The following ZMAT4 variants were observed in gnomAD, a reference collection of about 807,000 sequenced individuals.
ZMAT4 encodes the protein zinc finger matrin-type 4, also known as zinc finger matrin-type protein 4.
In ZMAT4, 17 loss-of-function variants were observed where a neutral mutation model predicts 28.7. The ratio of observed to expected loss-of-function variants is 0.59; its 90% CI spans 0.41 to 0.89. The LOEUF (loss-of-function observed/expected upper bound fraction) is 0.89. Among genes scored for constraint, ZMAT4 ranks in the 40% least tolerant of loss-of-function variants. The pLI, the probability that ZMAT4 is intolerant of heterozygous loss-of-function variation, is 0.00. For synonymous variants in ZMAT4, 117 were observed against 109.2 expected, an observed-to-expected ratio of 1.07 and a Z score of -0.44; for missense variants, 240 against 283.8, an observed-to-expected ratio of 0.85 and a Z score of 1.11.
At chr8:40,793,034 T>C (rs981569572) in intron 2 of ZMAT4, among the ~76,000 whole-genome samples, 1 of 152,012 alleles carries the variant, frequency 6.6e-6, no homozygotes, top group Non-Finnish European at 1.5e-5. Context: ...ACATATTATG[T>C]ACTTGTCAAC....
In ZMAT4 at chr8:40,590,190, AT is replaced by A. The variant is rs200000224; in HGVS notation, c.578-8930del. 6.0e-5 allele frequency among the ~76,000 whole-genome samples: 9 copies of A among 149,604 alleles called. 1 individual carries two copies. The highest frequency in any genetic ancestry group is 4.7e-4 in the Admixed American group (7 of 14,936). ...AGGCATGCACTACCATGCCTTGCTA[AT>A]TTTTTTTTATTTTTTATTTTTGTTG... On this transcript the variant is annotated intron_variant, in intron 5 of 6. Transcript: ENST00000297737.
intron 2 of ZMAT4, among the ~76,000 whole-genome samples, chr8:40,821,339 T>C (rs1815821964): frequency 1.3e-5 from 2 of 152,220 alleles, no homozygotes; most frequent in Admixed American, 1.3e-4. Flanking sequence ...CTTCTGTGTC[T>C]GTGTCTACTT....
At chr8:40,892,240 T>C (rs1416423475) in intron 1 of ZMAT4, among the ~76,000 whole-genome samples, 1 of 152,218 alleles carries the variant, frequency 6.6e-6, no homozygotes, top group African/African-American at 2.4e-5. Flanking sequence ...AAGTCTTTCT[T>C]CCCTTCATAA....
intron 5 of ZMAT4, among the ~76,000 whole-genome samples, chr8:40,633,799 A>G (rs1369345705): frequency 6.6e-6 from 1 of 152,242 alleles, no homozygotes; most frequent in Non-Finnish European, 1.5e-5. Context: ...AATAGTTGTC[A>G]CAGGCAGAGT....
At chr8:40,886,197 G>A (rs1444001756) in intron 1 of ZMAT4, among the ~76,000 whole-genome samples, 1 of 152,234 alleles carries the variant, frequency 6.6e-6, no homozygotes, top group East Asian at 1.9e-4. Context: ...CCCAGAGCCA[G>A]GGTGTCCCTT....
chr8:40,759,987 C>T (rs982764483), intron 3 of ZMAT4, among the ~76,000 whole-genome samples: 1 of 152,114 alleles, frequency 6.6e-6, no homozygotes, highest in African/African-American at 2.4e-5. Context: ...GACAAAATGC[C>T]CACTAACGCA....
At chr8:40,811,116 C>A (rs1172384196) in intron 2 of ZMAT4, among the ~76,000 whole-genome samples, 1 of 152,078 alleles carries the variant, frequency 6.6e-6, no homozygotes, top group Admixed American at 6.6e-5. Flanking sequence ...AATAATATAC[C>A]TTACGGTGGC....
At chr8:40,604,219 C>T (rs1347497689) in intron 5 of ZMAT4, among the ~76,000 whole-genome samples, 1 of 152,070 alleles carries the variant, frequency 6.6e-6, no homozygotes, top group Non-Finnish European at 1.5e-5. Context: ...ATTTCTTTAT[C>T]TTGTCTCACT....
At chr8:40,638,775 T>C (rs1234321904) in intron 5 of ZMAT4, among the ~76,000 whole-genome samples, 2 of 152,254 alleles carry the variant, frequency 1.3e-5, no homozygotes, top group Non-Finnish European at 2.9e-5. Context: ...GCAATGATTA[T>C]ATCCACTATT....
At chr8:40,826,720 C>T (rs1019232843) in intron 1 of ZMAT4, among the ~76,000 whole-genome samples, 3 of 152,160 alleles carry the variant, frequency 2.0e-5, no homozygotes, top group Admixed American at 6.5e-5. Context: ...CCTCCACCAC[C>T]GCACACCACA....
chr8:40,806,122 A>G (rs1263577484), intron 2 of ZMAT4, among the ~76,000 whole-genome samples: 1 of 152,184 alleles, frequency 6.6e-6, no homozygotes, highest in Non-Finnish European at 1.5e-5. Context: ...TTAAAAACCA[A>G]AACGGTAAAG....
At chr8:40,737,214 C>T (rs992506495) in intron 3 of ZMAT4, among the ~76,000 whole-genome samples, 6 of 151,702 alleles carry the variant, frequency 4.0e-5, no homozygotes, top group Non-Finnish European at 7.4e-5. Context: ...ATTTTTTTTG[C>T]GATTTTTTTT....
chr8:40,890,963 T>C (rs1172563812), intron 1 of ZMAT4, among the ~76,000 whole-genome samples: 1 of 151,756 alleles, frequency 6.6e-6, no homozygotes, highest in Non-Finnish European at 1.5e-5. Flanking sequence ...AGGAGAATCA[T>C]GGTGTACCCT....
chr8:40,722,618 C>T (rs2150518669), intron 3 of ZMAT4, among the ~76,000 whole-genome samples: 1 of 152,248 alleles, frequency 6.6e-6, no homozygotes, highest in Admixed American at 6.5e-5. Context: ...CCTAATATTC[C>T]TGCTCTTTTT....
At position 40,822,678 on chromosome 8, in the gene ZMAT4, C is replaced by T. The variant is rs149991375; in HGVS notation, c.102+2897G>A. ...AAATTGATATAAGGTATCCTCAGTC[C>T]TGACTGTGCCCTTTTCACATGCTCA... On this transcript the variant is annotated intron_variant, in intron 2 of 6. Transcript: ENST00000297737. Among the ~76,000 whole-genome samples the T allele has an allele frequency of 7.2e-3, 1,090 of 152,306 alleles. 7 individuals are homozygous for T. Among genetic ancestry groups the T allele is most frequent in the Non-Finnish European group, 0.012 (832 of 68,028 alleles).
At chr8:40,745,450 C>A (rs1812178204) in intron 3 of ZMAT4, among the ~76,000 whole-genome samples, 1 of 152,158 alleles carries the variant, frequency 6.6e-6, no homozygotes, top group Admixed American at 6.5e-5. Context: ...TTTTCCAGAA[C>A]AGAGACAGTT....
chr8:40,621,067 G>A (rs1425597914), intron 5 of ZMAT4, among the ~76,000 whole-genome samples: 2 of 152,276 alleles, frequency 1.3e-5, no homozygotes, highest in South Asian at 2.1e-4. Context: ...ACTATTTCTG[G>A]TCTCTGCCCT....
chr8:40,581,071 A>T, intron 6 of ZMAT4, 94 bp downstream of exon 6: 1 of 1,009,216 alleles, frequency 9.9e-7, no homozygotes, highest in Non-Finnish European at 1.5e-6. Flanking sequence ...TTTCCACTCT[A>T]CTTATTTAGA....
At chr8:40,647,736 G>A (rs1223181477) in intron 5 of ZMAT4, among the ~76,000 whole-genome samples, 1 of 152,204 alleles carries the variant, frequency 6.6e-6, no homozygotes, top group Non-Finnish European at 1.5e-5. Context: ...TCTGAGAACG[G>A]ACAGACTGCC....
Sources: allele counts gnomAD v4.1 joint callset (sites outside exome capture counted in the v4.1 genomes callset), GRCh38; gene constraint gnomAD v4.1.1; transcripts MANE v1.5; gene names NCBI Gene and HGNC (gene_info 2026-07-23, HGNC 2026-07-21).